NFIL3: variants seen among roughly 807,000 people sequenced by gnomAD.
NFIL3 encodes nuclear factor interleukin-3-regulated protein.
In NFIL3, 5 loss-of-function variants were observed where a neutral mutation model predicts 10.0. The observed-to-expected ratio is 0.50, with a 90% CI of 0.26 to 1.06. The LOEUF is 1.06. NFIL3 is among the 50% of genes least tolerant of loss of function. The pLI is 0.13. For missense variants in NFIL3, 436 were observed against 547.6 expected, an observed-to-expected ratio of 0.80 and a Z score of 2.03; for synonymous variants, 202 against 206.5, an observed-to-expected ratio of 0.98 and a Z score of 0.19.
chr9:91,420,623 G>A (rs1833744649), intron 1 of NFIL3, among the ~76,000 whole-genome samples: 1 of 152,178 alleles, frequency 6.6e-6, no homozygotes, highest in South Asian at 2.1e-4. Flanking sequence ...TGTAACAGGA[G>A]GGAAACTGAT....
the NFIL3 span, among the ~76,000 whole-genome samples, chr9:91,467,835 C>T: frequency 1.3e-5 from 2 of 152,240 alleles, no homozygotes; most frequent in Non-Finnish European, 2.9e-5. Context: ...TGGTTTCCAG[C>T]TTCATCCATG....
At chr9:91,444,661 G>A in the NFIL3 span, among the ~76,000 whole-genome samples, 21 of 152,284 alleles carry the variant, frequency 1.4e-4, no homozygotes, top group South Asian at 4.1e-3. Context: ...CCAGGTGGGT[G>A]TAGTTATGTA....
chr9:91,464,495 A>G, the NFIL3 span, among the ~76,000 whole-genome samples: 1 of 152,120 alleles, frequency 6.6e-6, no homozygotes. Context: ...TACATATGCC[A>G]TAATAGCCCC....
chr9:91,448,776 G>C, the NFIL3 span, among the ~76,000 whole-genome samples: 2 of 152,114 alleles, frequency 1.3e-5, no homozygotes. Context: ...TAGAAAAAAA[G>C]GTCATCAGAA....
chr9:91,411,823 C>T (rs1262019317), intron 1 of NFIL3, among the ~76,000 whole-genome samples: 4 of 152,150 alleles, frequency 2.6e-5, no homozygotes, highest in South Asian at 4.1e-4. Context: ...AGTTACTAGG[C>T]GGGGCACGGT....
intron 1 of NFIL3, among the ~76,000 whole-genome samples, chr9:91,422,999 T>C (rs899271606): frequency 6.6e-6 from 1 of 152,192 alleles, no homozygotes; most frequent in East Asian, 1.9e-4. Context: ...GGGCAGATTA[T>C]GCAATGTATG....
At chr9:91,461,002 C>A in the NFIL3 span, among the ~76,000 whole-genome samples, 1 of 152,082 alleles carries the variant, frequency 6.6e-6, no homozygotes, top group East Asian at 1.9e-4. Context: ...ATGAGTAAGA[C>A]GCTTTTGTCA....
At chr9:91,416,080 C>G (rs1387317499) in intron 1 of NFIL3, among the ~76,000 whole-genome samples, 2 of 151,942 alleles carry the variant, frequency 1.3e-5, no homozygotes, top group East Asian at 3.9e-4. Context: ...AAAATTTTAA[C>G]CTCCTGGCTA....
chr9:91,423,038 G>A (rs1048249119), intron 1 of NFIL3, among the ~76,000 whole-genome samples: 1 of 152,068 alleles, frequency 6.6e-6, no homozygotes, highest in African/African-American at 2.4e-5. Context: ...CCTTCCCGAG[G>A]GCTTGTAAAA....
At chr9:91,424,590 G>T (rs1833847449), upstream of NFIL3, among the ~76,000 whole-genome samples, 1 of 152,202 alleles carries the variant, frequency 6.6e-6, no homozygotes, top group African/African-American at 2.4e-5. Flanking sequence ...AGCCGGGAGG[G>T]AAAGCTCCAC....
At chr9:91,417,118 G>T (rs1352271316) in intron 1 of NFIL3, among the ~76,000 whole-genome samples, 1 of 152,138 alleles carries the variant, frequency 6.6e-6, no homozygotes, top group Non-Finnish European at 1.5e-5. Context: ...TAAAGGGTAA[G>T]TTTTATTGCA....
the NFIL3 span, among the ~76,000 whole-genome samples, chr9:91,471,862 TA>T: frequency 6.6e-6 from 1 of 152,334 alleles, no homozygotes; most frequent in Non-Finnish European, 1.5e-5. Flanking sequence ...TTTCCATGTT[TA>T]GTGCTTCCTT....
intron 1 of NFIL3, among the ~76,000 whole-genome samples, chr9:91,416,794 A>G (rs1322106990): frequency 2.0e-5 from 3 of 152,252 alleles, no homozygotes; most frequent in Admixed American, 2.0e-4. Flanking sequence ...ATATTTCATA[A>G]GCCCAGATTT....
At chr9:91,476,515 G>A in the NFIL3 span, among the ~76,000 whole-genome samples, 3 of 152,002 alleles carry the variant, frequency 2.0e-5, no homozygotes, top group African/African-American at 4.8e-5. Context: ...GGAGGTTGCC[G>A]TGAGCCAAGA....
chr9:91,432,399 A>G, the NFIL3 span, among the ~76,000 whole-genome samples: 1 of 152,310 alleles, frequency 6.6e-6, no homozygotes, highest in South Asian at 2.1e-4. Context: ...ACCTCCCAAG[A>G]AAGGCTTAGC....
chr9:91,476,572 A>G, the NFIL3 span, among the ~76,000 whole-genome samples: 1 of 136,658 alleles, frequency 7.3e-6, no homozygotes, highest in Admixed American at 7.2e-5. Flanking sequence ...GAATCCGTCT[A>G]AAAAAAAAAA....
At chr9:91,438,418 C>G in the NFIL3 span, among the ~76,000 whole-genome samples, 3 of 152,166 alleles carry the variant, frequency 2.0e-5, no homozygotes, top group South Asian at 6.2e-4. Context: ...AACCCCTTAT[C>G]AGATACAGGG....
intron 1 of NFIL3, among the ~76,000 whole-genome samples, chr9:91,414,184 T>C (rs1384565634): frequency 6.6e-6 from 1 of 152,214 alleles, no homozygotes; most frequent in Non-Finnish European, 1.5e-5. Flanking sequence ...TGTTGGTACA[T>C]TAACCTACAG....
At chr9:91,437,427 A>G in the NFIL3 span, among the ~76,000 whole-genome samples, 1 of 152,240 alleles carries the variant, frequency 6.6e-6, no homozygotes, top group Non-Finnish European at 1.5e-5. Context: ...TGTGGGATAC[A>G]TGTAGATAGT....
Sources: allele counts gnomAD v4.1 joint callset (sites outside exome capture counted in the v4.1 genomes callset), GRCh38; gene constraint gnomAD v4.1.1; transcripts MANE v1.5; gene names NCBI Gene and HGNC (gene_info 2026-07-23, HGNC 2026-07-21).